SLCO2A1: variants seen among roughly 807,000 people sequenced by gnomAD.
SLCO2A1 encodes the protein matrin F/G 1.
SLCO2A1 carries 60 observed loss-of-function variants against 71.7 expected under a neutral mutation model. The observed-to-expected ratio is 0.84, with a 90% CI of 0.68 to 1.04. The LOEUF (loss-of-function observed/expected upper bound fraction) is 1.04, where lower values mean the gene tolerates loss of function less well. SLCO2A1 is among the 50% of genes least tolerant of loss of function. The pLI, the probability that SLCO2A1 is intolerant of heterozygous loss-of-function variation, is 0.00. For missense variants in SLCO2A1, 745 were observed against 813.4 expected (o/e 0.92, Z 1.02); for synonymous variants, 308 against 326.7 (o/e 0.94, Z 0.62).
intron 1 of SLCO2A1, among the ~76,000 whole-genome samples, chr3:134,015,009 C>T (rs1320953739): frequency 6.6e-6 from 1 of 152,156 alleles, no homozygotes; most frequent in East Asian, 1.9e-4. Flanking sequence ...TTACCAAAAG[C>T]AAGCGTTAAA....
intron 1 of SLCO2A1, among the ~76,000 whole-genome samples, chr3:134,008,519 A>T (rs1935268851): frequency 6.6e-6 from 1 of 152,138 alleles, no homozygotes; most frequent in East Asian, 1.9e-4. Flanking sequence ...CTGGGTGAAA[A>T]CCCACCCAAG....
At chr3:133,958,917 G>A (rs1933964705) in intron 3 of SLCO2A1, among the ~76,000 whole-genome samples, 1 of 152,164 alleles carries the variant, frequency 6.6e-6, no homozygotes, top group South Asian at 2.1e-4. Context: ...TGTGACAGTG[G>A]CTCTCTGTGG....
chr3:133,945,974 A>G (rs1352965426), intron 9 of SLCO2A1, among the ~76,000 whole-genome samples: 6 of 152,212 alleles, frequency 3.9e-5, no homozygotes, highest in African/African-American at 1.4e-4. Context: ...AGAAAACCAA[A>G]GCTTAGATAA....
At chr3:133,963,439 C>A (rs937021698) in intron 3 of SLCO2A1, among the ~76,000 whole-genome samples, 3 of 152,104 alleles carry the variant, frequency 2.0e-5, no homozygotes, top group Non-Finnish European at 4.4e-5. Context: ...GGGAGGGGAC[C>A]CTAGAACGAC....
intron 1 of SLCO2A1, among the ~76,000 whole-genome samples, chr3:134,025,168 C>T (rs562875917): frequency 6.6e-6 from 1 of 152,328 alleles, no homozygotes; most frequent in African/African-American, 2.4e-5. Flanking sequence ...AGGACTTCAA[C>T]TGACCTTCCT....
At chr3:133,994,170 G>A (rs1302332387) in intron 1 of SLCO2A1, among the ~76,000 whole-genome samples, 3 of 152,118 alleles carry the variant, frequency 2.0e-5, no homozygotes, top group African/African-American at 7.2e-5. Context: ...TCTGTGTCTG[G>A]CGGACTATCT....
intron 13 of SLCO2A1, among the ~76,000 whole-genome samples, chr3:133,935,514 C>T (rs532375457): frequency 2.6e-5 from 4 of 152,286 alleles, no homozygotes; most frequent in South Asian, 2.1e-4. Flanking sequence ...CAAAGGCTTT[C>T]GGGTCAGGGA....
chr3:134,028,533 A>C (rs1935742610), intron 1 of SLCO2A1, among the ~76,000 whole-genome samples: 1 of 152,178 alleles, frequency 6.6e-6, no homozygotes, highest in Non-Finnish European at 1.5e-5. Flanking sequence ...TGGAGATCCC[A>C]GCTGAGTAAG....
chr3:134,002,075 C>A (rs1023805119), intron 1 of SLCO2A1, among the ~76,000 whole-genome samples: 2 of 152,232 alleles, frequency 1.3e-5, no homozygotes, highest in Non-Finnish European at 2.9e-5. Flanking sequence ...TGCTTACCTA[C>A]AGTATTTAAC....
intron 1 of SLCO2A1, among the ~76,000 whole-genome samples, chr3:133,983,889 G>C (rs557394602): frequency 6.6e-6 from 1 of 152,160 alleles, no homozygotes; most frequent in East Asian, 1.9e-4. Context: ...TCTTGCAAAG[G>C]CTGGCTTGAC....
At chr3:133,945,912 A>G (rs1277300963) in intron 9 of SLCO2A1, among the ~76,000 whole-genome samples, 1 of 152,226 alleles carries the variant, frequency 6.6e-6, no homozygotes, top group East Asian at 1.9e-4. Context: ...GGGGCTTTAC[A>G]TGCACAATCA....
At position 133,935,857 on chromosome 3, in the gene SLCO2A1, G is replaced by T; in HGVS notation, c.1731C>A (p.Asp577Glu). 1 of 1,610,980 alleles carries T rather than the reference G, an allele frequency of 6.2e-7. No individual in the cohort carries two copies. The highest frequency in any genetic ancestry group is 8.5e-7 in the Non-Finnish European group (1 of 1,178,140). The change falls in exon 13 of 14, where the codon GAC becomes GAA. Residue 577 changes from aspartate to glutamate, a missense_variant. Physicochemically the swap from Asp to Glu is conservative, Grantham distance 45. Coordinates refer to ENST00000310926, the MANE Select transcript of SLCO2A1 (RefSeq NM_005630.3). The stretch of plus-strand genomic sequence containing the variant: ...GCGAGTTCCACCGGATGCAGGAGTG[G>T]TCAATGGTGAGGCCATAGAGGGCTG... ...PSPALYGLTIDHSCIRWNSLC... is the reference protein window; with the variant it reads ...PSPALYGLTIEHSCIRWNSLC...
chr3:133,990,118 G>A (rs1471223384), intron 1 of SLCO2A1, among the ~76,000 whole-genome samples: 1 of 152,224 alleles, frequency 6.6e-6, no homozygotes, highest in East Asian at 1.9e-4. Context: ...GCCTCTCCGG[G>A]CTGTGCCAAG....
At chr3:133,977,438 C>A (rs1371447223) in intron 2 of SLCO2A1, among the ~76,000 whole-genome samples, 2 of 152,158 alleles carry the variant, frequency 1.3e-5, no homozygotes, top group African/African-American at 4.8e-5. Context: ...ATTGAGGAAT[C>A]CAGTTGTTTC....
intron 1 of SLCO2A1, among the ~76,000 whole-genome samples, chr3:133,996,546 C>A (rs550800393): frequency 2.0e-5 from 3 of 152,318 alleles, no homozygotes; most frequent in African/African-American, 4.8e-5. Context: ...CTGAACCTCA[C>A]GACACTGGCA....
At chr3:133,975,716 T>G (rs1002173299) in intron 2 of SLCO2A1, among the ~76,000 whole-genome samples, 3 of 152,080 alleles carry the variant, frequency 2.0e-5, no homozygotes, top group African/African-American at 7.2e-5. Flanking sequence ...ACAAAGGCAT[T>G]CCCCCAGCCC....
chr3:134,014,003 C>T (rs1304662271), intron 1 of SLCO2A1, among the ~76,000 whole-genome samples: 1 of 152,144 alleles, frequency 6.6e-6, no homozygotes, highest in Non-Finnish European at 1.5e-5. Context: ...GTAGCCCTCT[C>T]TGATAACACA....
chr3:134,029,163 C>A (rs1006318077), intron 1 of SLCO2A1, among the ~76,000 whole-genome samples: 9 of 152,116 alleles, frequency 5.9e-5, no homozygotes, highest in Non-Finnish European at 1.2e-4. Context: ...GTAGCAGAGC[C>A]CCCCGCCCCC....
rs553353124 is a variant in SLCO2A1, at chr3:133,967,443, C to A, written c.397+6220G>T. On this transcript the variant is annotated intron_variant, in intron 3 of 13. Transcript: ENST00000310926. ...ACCAGTTTCCAGCTTCGCTCCTTCC[C>A]GGGCCTTCTCTACCGCAGTCTAGTG... Among the ~76,000 whole-genome samples the A allele has an allele frequency of 2.9e-3, 438 of 152,322 alleles. 2 individuals carry two copies. Among genetic ancestry groups the A allele is most frequent in the African/African-American group, 9.4e-3 (389 of 41,568 alleles).
Sources: gnomAD v4.1 joint callset for allele counts (sites outside exome capture counted in the v4.1 genomes callset) on GRCh38, gnomAD v4.1.1 for gene constraint, MANE v1.5 for transcripts, NCBI Gene and HGNC (gene_info 2026-07-23, HGNC 2026-07-21) for gene names.